The following PTPRZ1 variants were observed in gnomAD, a reference collection of about 807,000 sequenced individuals.
The protein encoded by PTPRZ1 is receptor-type tyrosine-protein phosphatase zeta.
Under a neutral mutation model 214.1 loss-of-function variants are expected in PTPRZ1, and 82 were observed. The observed-to-expected ratio is 0.38, with a 90% CI of 0.32 to 0.46. The LOEUF (loss-of-function observed/expected upper bound fraction) is 0.46. PTPRZ1 is among the 20% of genes least tolerant of loss of function. The pLI is 1.00. For synonymous variants in PTPRZ1, 945 were observed against 987.9 expected (o/e 0.96, Z 0.81); for missense variants, 2,603 against 2,748.7 (o/e 0.95, Z 1.19).
chr7:121,897,354 T>C (rs1794816277), intron 1 of PTPRZ1, among the ~76,000 whole-genome samples: 1 of 152,164 alleles, frequency 6.6e-6, no homozygotes, highest in Non-Finnish European at 1.5e-5. Context: ...TACACATTCC[T>C]AAGAACTAGT....
At chr7:122,019,048 C>A (rs1798933467) in intron 12 of PTPRZ1, 76 bp from the exon 13 acceptor site, 1 of 1,379,176 alleles carries the variant, frequency 7.3e-7, no homozygotes. Flanking sequence ...ATGAAGGTTG[C>A]AATTAATCAG....
rs183287352 is a variant in PTPRZ1 at position 122,002,728 on chromosome 7, T to A, written c.1241-1886T>A. Among the ~76,000 whole-genome samples the A allele has an allele frequency of 3.9e-4, 59 of 152,318 alleles. 1 individual carries two copies. In the East Asian group the frequency reaches 0.01, roughly 27 times the overall value. ...AGTTAGGTGGAGTTAGACCATTTTT[T>A]AAAAATTTTGAACACCTTCTTAGGC... On this transcript the variant is annotated intron_variant, in intron 10 of 29. Transcript: ENST00000393386.
At chr7:121,913,719 T>C (rs1338669192) in intron 1 of PTPRZ1, among the ~76,000 whole-genome samples, 1 of 151,658 alleles carries the variant, frequency 6.6e-6, no homozygotes, top group African/African-American at 2.4e-5. Context: ...CCTTAGCAGG[T>C]ATGGGGGAAA....
chr7:122,042,661 A>G lies in PTPRZ1; in HGVS notation c.5855A>G (p.Gln1952Arg). The change falls in exon 22 of 30, where the codon CAG becomes CGG. Residue 1952 changes from glutamine to arginine, a missense_variant. Gln to Arg is a conservative substitution (Grantham distance 43). Around this residue, in one of 6 missense-constraint regions of PTPRZ1, gnomAD observed 1,913 missense variants for 1,914.3 expected, o/e 1.00. Coordinates refer to ENST00000393386, the MANE Select transcript of PTPRZ1 (RefSeq NM_002851.3). The part of the protein sequence containing the change: ...TYIVLDSMLQ[Q>R]IQHEGTVNIF... ...ATTGTGCTAGACAGTATGTTGCAGC[A>G]GATTCAACACGAAGGAACTGTCAAC... 2 of 1,613,900 alleles carry G rather than the reference A, an allele frequency of 1.2e-6. No individual in the cohort carries two copies. The highest frequency in any genetic ancestry group is 4.5e-5 in the East Asian group (2 of 44,858).
intron 2 of PTPRZ1, among the ~76,000 whole-genome samples, chr7:121,937,654 T>C (rs1202438977): frequency 1.3e-5 from 2 of 152,154 alleles, no homozygotes; most frequent in Non-Finnish European, 2.9e-5. Context: ...TGGAGACTGA[T>C]GGTCTGGAGG....
At chr7:122,037,287 A>T (rs1196473278) in intron 18 of PTPRZ1, among the ~76,000 whole-genome samples, 1 of 146,806 alleles carries the variant, frequency 6.8e-6, no homozygotes, top group African/African-American at 2.5e-5. Context: ...AAAAAAAAAA[A>T]ATGTGAAGGG....
chr7:121,996,649 A>G, intron 9 of PTPRZ1, 83 bp downstream of exon 9: 2 of 1,087,480 alleles, frequency 1.8e-6, no homozygotes, highest in East Asian at 2.7e-5. Context: ...GTTGTATATT[A>G]TTTTCCTCCA....
intron 10 of PTPRZ1, among the ~76,000 whole-genome samples, chr7:121,998,941 C>T (rs1798233500): frequency 6.6e-6 from 1 of 152,076 alleles, no homozygotes; most frequent in South Asian, 2.1e-4. Context: ...AACTGATGTG[C>T]ACGGTTTGCA....
At chr7:122,041,080 G>T (rs1584769975) in intron 21 of PTPRZ1, 101 bp downstream of exon 21, 2 of 1,073,898 alleles carry the variant, frequency 1.9e-6, no homozygotes, top group East Asian at 5.4e-5. Context: ...ATGATTTCTT[G>T]AAATGAGGGT....
intron 1 of PTPRZ1, among the ~76,000 whole-genome samples, chr7:121,926,948 G>A (rs932398117): frequency 6.6e-6 from 1 of 152,008 alleles, no homozygotes; most frequent in African/African-American, 2.4e-5. Context: ...TTTGGCTTTG[G>A]ATAACCTGTG....
chr7:121,937,863 G>A (rs1043226900), intron 2 of PTPRZ1, among the ~76,000 whole-genome samples: 4 of 152,126 alleles, frequency 2.6e-5, no homozygotes, highest in South Asian at 2.1e-4. Context: ...CATTAATGCC[G>A]AGATCCTTAA....
chr7:121,990,925 C>T (rs762133275), intron 8 of PTPRZ1, among the ~76,000 whole-genome samples: 3 of 152,212 alleles, frequency 2.0e-5, no homozygotes, highest in Admixed American at 6.5e-5. Flanking sequence ...ACTGTATGCA[C>T]GCCTTCCAGG....
At chr7:121,896,260 T>C (rs1201216453) in intron 1 of PTPRZ1, among the ~76,000 whole-genome samples, 2 of 152,194 alleles carry the variant, frequency 1.3e-5, no homozygotes, top group Non-Finnish European at 2.9e-5. Flanking sequence ...TATATGCACG[T>C]TGTACAGGAT....
chr7:122,040,543 C>T (rs1228283227), intron 20 of PTPRZ1, among the ~76,000 whole-genome samples: 1 of 152,188 alleles, frequency 6.6e-6, no homozygotes, highest in Non-Finnish European at 1.5e-5. Context: ...ACATGTTAAT[C>T]ACATCTAAAC....
At chr7:121,956,873 A>G (rs1435164031) in intron 2 of PTPRZ1, among the ~76,000 whole-genome samples, 4 of 152,234 alleles carry the variant, frequency 2.6e-5, no homozygotes, top group Non-Finnish European at 4.4e-5. Flanking sequence ...TCACACATCA[A>G]TCCAGATTTG....
chr7:121,889,520 T>G (rs891131469), intron 1 of PTPRZ1, among the ~76,000 whole-genome samples: 9 of 152,198 alleles, frequency 5.9e-5, no homozygotes, highest in African/African-American at 2.2e-4. Context: ...TAGCATATGA[T>G]AAGTTAATCA....
intron 2 of PTPRZ1, among the ~76,000 whole-genome samples, chr7:121,966,217 T>G (rs1289425474): frequency 3.3e-5 from 5 of 152,182 alleles, no homozygotes; most frequent in African/African-American, 1.2e-4. Context: ...GCCTTTTAGG[T>G]TCCCAGTAGA....
At chr7:122,016,139 T>C (rs1798833947) in intron 12 of PTPRZ1, among the ~76,000 whole-genome samples, 1 of 152,004 alleles carries the variant, frequency 6.6e-6, no homozygotes, top group Admixed American at 6.6e-5. Context: ...AGATACTAGA[T>C]TATTTGATCC....
chr7:121,930,423 A>G lies in PTPRZ1; in HGVS notation c.124+2202A>G, dbSNP rs1455456561. On this transcript the variant is annotated intron_variant, in intron 2 of 29. Coordinates refer to ENST00000393386, the MANE Select transcript of PTPRZ1 (RefSeq NM_002851.3). ...TATACCCAATTTAATAAACATCAGCAAACTCTATTTACTTGAGGAATTTCT... is the reference window on the plus strand; with the variant it reads ...TATACCCAATTTAATAAACATCAGCGAACTCTATTTACTTGAGGAATTTCT... Among the ~76,000 whole-genome samples the G allele has an allele frequency of 2.6e-5, 4 of 152,260 alleles. 1 individual carries two copies. In the South Asian group the frequency reaches 8.3e-4, roughly 32 times the overall value.
Sources: gnomAD v4.1 joint callset for allele counts (sites outside exome capture counted in the v4.1 genomes callset) on GRCh38, gnomAD v4.1.1 for gene constraint, gnomAD v4.1.1 regional missense constraint, MANE v1.5 for transcripts, NCBI Gene and HGNC (gene_info 2026-07-23, HGNC 2026-07-21) for gene names.